RBFOX1: variants seen among roughly 807,000 people sequenced by gnomAD.
RBFOX1 encodes RNA binding protein fox-1 homolog 1.
A neutral mutation model predicts 57.7 loss-of-function variants in RBFOX1; 8 were observed. The ratio of observed to expected loss-of-function variants is 0.14; its 90% CI spans 0.08 to 0.25. RBFOX1 has a LOEUF of 0.25. Ranked by LOEUF, RBFOX1 falls within the 10% of genes least tolerant of loss-of-function variation. RBFOX1 has a pLI of 1.00. For synonymous variants in RBFOX1, 326 were observed against 222.4 expected, an observed-to-expected ratio of 1.47 and a Z score of -4.15; for missense variants, 611 against 548.5, an observed-to-expected ratio of 1.11 and a Z score of -1.14.
intron 3 of RBFOX1, among the ~76,000 whole-genome samples, chr16:5,773,037 A>T (rs1044496572): frequency 1.3e-5 from 2 of 152,016 alleles, no homozygotes; most frequent in African/African-American, 4.8e-5. Flanking sequence ...GGAAAAGATG[A>T]AGTTGCGGAG....
chr16:7,010,136 T>C (rs956948396), intron 3 of RBFOX1, among the ~76,000 whole-genome samples: 6 of 152,234 alleles, frequency 3.9e-5, no homozygotes, highest in Non-Finnish European at 8.8e-5. Flanking sequence ...GCAAAGCACG[T>C]GATCATTCCA....
intron 3 of RBFOX1, among the ~76,000 whole-genome samples, chr16:6,706,871 C>G (rs1035690883): frequency 6.6e-6 from 1 of 152,110 alleles, no homozygotes; most frequent in Non-Finnish European, 1.5e-5. Context: ...TCTATCTCCT[C>G]TATGTGTCTC....
chr16:5,547,692 C>T (rs1279479324), intron 2 of RBFOX1, among the ~76,000 whole-genome samples: 3 of 152,124 alleles, frequency 2.0e-5, no homozygotes, highest in African/African-American at 7.2e-5. Flanking sequence ...GCTGCATGTA[C>T]ACAATGGAAT....
intron 4 of RBFOX1, among the ~76,000 whole-genome samples, chr16:7,212,679 T>C (rs2091369320): frequency 3.9e-5 from 6 of 152,112 alleles, no homozygotes; most frequent in Admixed American, 3.9e-4. Flanking sequence ...GTGTAGTTAT[T>C]AGGAATAACT....
At chr16:6,382,002 C>T (rs1415216298) in intron 2 of RBFOX1, among the ~76,000 whole-genome samples, 1 of 152,218 alleles carries the variant, frequency 6.6e-6, no homozygotes, top group East Asian at 1.9e-4. Context: ...GGAAATATTT[C>T]AGGCCTTTTG....
intron 2 of RBFOX1, among the ~76,000 whole-genome samples, chr16:5,568,727 A>T (rs8054501): frequency 6.6e-6 from 1 of 152,178 alleles, no homozygotes; most frequent in Non-Finnish European, 1.5e-5. Flanking sequence ...GATTTGCCCC[A>T]CGATGGTCTT....
At chr16:7,442,968 A>T (rs1040041475) in intron 4 of RBFOX1, among the ~76,000 whole-genome samples, 1 of 152,190 alleles carries the variant, frequency 6.6e-6, no homozygotes, top group African/African-American at 2.4e-5. Flanking sequence ...TTGGGGATTT[A>T]TACCTTTCTC....
intron 2 of RBFOX1, among the ~76,000 whole-genome samples, chr16:6,341,724 C>A (rs961470940): frequency 6.6e-6 from 1 of 152,004 alleles, no homozygotes; most frequent in African/African-American, 2.4e-5. Flanking sequence ...TATGAATGTC[C>A]TACTCTGTCT....
chr16:5,444,113 A>C (rs1186097267), intron 1 of RBFOX1, among the ~76,000 whole-genome samples: 2 of 152,264 alleles, frequency 1.3e-5, no homozygotes, highest in Non-Finnish European at 2.9e-5. Context: ...GAGGCATTTG[A>C]AACTCCATCA....
At chr16:5,908,228 A>G (rs2058519930) in intron 4 of RBFOX1, among the ~76,000 whole-genome samples, 1 of 144,744 alleles carries the variant, frequency 6.9e-6, no homozygotes, top group South Asian at 2.1e-4. Context: ...ATATATACAC[A>G]CATATATATA....
chr16:6,085,133 C>G (rs1247737884), intron 1 of RBFOX1, among the ~76,000 whole-genome samples: 3 of 152,130 alleles, frequency 2.0e-5, no homozygotes, highest in Admixed American at 6.6e-5. Context: ...GGGCTTATTT[C>G]TGCTACTGTG....
chr16:6,275,750 A>C (rs1195917746), intron 1 of RBFOX1, among the ~76,000 whole-genome samples: 1 of 152,242 alleles, frequency 6.6e-6, no homozygotes, highest in Non-Finnish European at 1.5e-5. Flanking sequence ...TGCCATAGAA[A>C]ATATTAGCAA....
At chr16:6,499,214 G>C (rs957366103) in intron 2 of RBFOX1, among the ~76,000 whole-genome samples, 3 of 152,120 alleles carry the variant, frequency 2.0e-5, no homozygotes, top group Middle Eastern at 3.2e-3. Context: ...GTTAGGACAT[G>C]ATTTTCCATT....
At position 6,825,411 on chromosome 16, in the gene RBFOX1, T is replaced by C. The variant is rs561469331; in HGVS notation, c.-16+170761T>C. Among the ~76,000 whole-genome samples, 10 of 152,140 alleles carry C rather than the reference T, an allele frequency of 6.6e-5. No individual in the cohort carries two copies. The South Asian group carries it at 2.1e-3, about 32-fold the overall frequency. On this transcript the variant is annotated intron_variant, in intron 3 of 15. Transcript: ENST00000550418. Reference sequence around the variant, plus strand: ...ACGAATTAACGGAAAAGCCAGAGATTATTCAGCAAGGCAGGGATGATTTGA... The same window carrying C: ...ACGAATTAACGGAAAAGCCAGAGATCATTCAGCAAGGCAGGGATGATTTGA...
chr16:6,747,913 A>G (rs1050809575), intron 3 of RBFOX1, among the ~76,000 whole-genome samples: 1 of 152,202 alleles, frequency 6.6e-6, no homozygotes, highest in African/African-American at 2.4e-5. Flanking sequence ...GGTGGAAAGC[A>G]CAACACGCTA....
At chr16:5,498,022 TC>T (rs1304491637) in intron 2 of RBFOX1, among the ~76,000 whole-genome samples, 1 of 152,162 alleles carries the variant, frequency 6.6e-6, no homozygotes, top group East Asian at 1.9e-4. Context: ...GCTGTCATTT[TC>T]AAGGAAGAGA....
chr16:5,396,307 A>G (rs2066553831), intron 1 of RBFOX1, among the ~76,000 whole-genome samples: 1 of 152,132 alleles, frequency 6.6e-6, no homozygotes, highest in Non-Finnish European at 1.5e-5. Context: ...CTTATCCTGT[A>G]GTAGTGAATC....
In RBFOX1 at chr16:6,061,910, A is replaced by T. The variant is rs548435977; in HGVS notation, c.-127+41918A>T. Among the ~76,000 whole-genome samples the T allele has an allele frequency of 2.0e-5, 3 of 152,204 alleles. No individual in the cohort carries two copies. In the East Asian group the frequency reaches 5.8e-4, roughly 30 times the overall value. On this transcript the variant is annotated intron_variant, in intron 1 of 15. Coordinates refer to ENST00000550418, the MANE Select transcript of RBFOX1 (RefSeq NM_018723.4). ...ACAGATTAAGGATTCTGCCGCCAAG[A>T]CTGCCCCCACTTTGGACTCCAGTTG... is the stretch of plus-strand genomic sequence containing the variant.
intron 2 of RBFOX1, among the ~76,000 whole-genome samples, chr16:6,575,324 C>G (rs970770380): frequency 2.0e-5 from 3 of 152,074 alleles, no homozygotes; most frequent in African/African-American, 7.2e-5. Flanking sequence ...ATATTTTCTT[C>G]AAATTTAAAT....
Sources: allele counts gnomAD v4.1 joint callset (sites outside exome capture counted in the v4.1 genomes callset), GRCh38; gene constraint gnomAD v4.1.1; transcripts MANE v1.5; gene names NCBI Gene and HGNC (gene_info 2026-07-23, HGNC 2026-07-21).